The following RTN4IP1 variants were observed in gnomAD, a reference collection of about 807,000 sequenced individuals.
RTN4IP1 encodes the protein NAD(P)H oxidoreductase RTN4IP1, mitochondrial.
In RTN4IP1, 32 loss-of-function variants were observed where a neutral mutation model predicts 46.6. That is an observed-to-expected ratio of 0.69 (90% CI 0.52 to 0.92). The LOEUF is 0.92. RTN4IP1 is among the 40% of genes least tolerant of loss of function. The pLI is 0.00. For synonymous variants in RTN4IP1, 167 were observed against 161.8 expected (o/e 1.03, Z -0.24); for missense variants, 424 against 485.8 (o/e 0.87, Z 1.20).
rs1775521900 is a variant in RTN4IP1 at position 106,587,753 on chromosome 6, G to A, written c.916C>T (p.Leu306=). 1 of 1,613,832 alleles carries A rather than the reference G, an allele frequency of 6.2e-7. No homozygotes were observed. The highest frequency in any genetic ancestry group is 1.7e-5 in the Admixed American group (1 of 60,004). Residue 306 remains leucine, a synonymous_variant, in exon 7 of 9, where the codon CTG becomes TTG. Transcript: ENST00000369063. ...TYVTLVTPFL[L]NMDRLGIADG... ...GCTATGCCCAATCGGTCCATGTTCAGGAGGAAAGGAGTCACCAAAGTCACA... is the reference window on the plus strand; with the variant it reads ...GCTATGCCCAATCGGTCCATGTTCAAGAGGAAAGGAGTCACCAAAGTCACA...
intron 4 of RTN4IP1, among the ~76,000 whole-genome samples, chr6:106,613,409 C>G (rs1337949591): frequency 6.6e-6 from 1 of 152,104 alleles, no homozygotes; most frequent in African/African-American, 2.4e-5. Flanking sequence ...GAAAGTTAAA[C>G]AAGGTTTGAA....
At position 106,623,051 on chromosome 6, in the gene RTN4IP1, A is replaced by G. The variant is rs12524955; in HGVS notation, c.275-82T>C. ...CTACTACAGGGTTATAGTCCAGTAC[A>G]ATTTTAGGTCTTCAAGATGTAGATT... On this transcript the variant is annotated intron_variant, in intron 1 of 8. Transcript: ENST00000369063. The G allele has an allele frequency of 0.026, 34,499 of 1,338,224 alleles. 1,615 individuals are homozygous for G. The highest frequency in any genetic ancestry group is 0.18 in the East Asian group (7,802 of 43,306). 82.9% of individuals were successfully genotyped at this position (1,338,224 alleles called of 1,614,324 possible). A position where few individuals can be genotyped will look rare whatever the true frequency, so the allele number is the denominator to read the frequency against.
chr6:106,594,627 C>T (rs1403618294), intron 5 of RTN4IP1, among the ~76,000 whole-genome samples: 1 of 152,152 alleles, frequency 6.6e-6, no homozygotes, highest in Non-Finnish European at 1.5e-5. Flanking sequence ...GTGCCCCAAA[C>T]CACAGAAGCC....
At chr6:106,575,134 A>AG (rs1775192413) in intron 8 of RTN4IP1, among the ~76,000 whole-genome samples, 2 of 152,184 alleles carry the variant, frequency 1.3e-5, no homozygotes, top group African/African-American at 4.8e-5. Flanking sequence ...TAAAATACAG[A>AG]GGGGGGAAAG....
At chr6:106,587,134 C>T (rs1775506830) in intron 7 of RTN4IP1, among the ~76,000 whole-genome samples, 1 of 152,210 alleles carries the variant, frequency 6.6e-6, no homozygotes, top group Non-Finnish European at 1.5e-5. Context: ...TACTCATAGA[C>T]CTCTAAATGT....
At chr6:106,580,492 G>A (rs558161904) in intron 8 of RTN4IP1, among the ~76,000 whole-genome samples, 2 of 152,172 alleles carry the variant, frequency 1.3e-5, no homozygotes, top group South Asian at 2.1e-4. Flanking sequence ...GCCAAGGCAG[G>A]TGGATCATCT....
chr6:106,630,183 AC>A (rs1776790488), upstream of RTN4IP1, among the ~76,000 whole-genome samples: 1 of 152,134 alleles, frequency 6.6e-6, no homozygotes, highest in Non-Finnish European at 1.5e-5. Context: ...TGATTTCCTA[AC>A]CCGTGTCTCC....
intron 4 of RTN4IP1, among the ~76,000 whole-genome samples, chr6:106,611,995 G>C (rs1335980845): frequency 6.6e-6 from 1 of 152,118 alleles, no homozygotes; most frequent in African/African-American, 2.4e-5. Context: ...TTTCAACCAG[G>C]GGTACTGGGA....
intron 6 of RTN4IP1, among the ~76,000 whole-genome samples, chr6:106,590,724 A>AAC (rs1202071553): frequency 4.6e-5 from 7 of 151,208 alleles, no homozygotes; most frequent in African/African-American, 1.7e-4. Flanking sequence ...CAAAAAAAAA[A>AAC]AAAAAAAAAA....
chr6:106,580,775 C>A (rs1014105531), intron 8 of RTN4IP1, among the ~76,000 whole-genome samples: 17 of 150,452 alleles, frequency 1.1e-4, no homozygotes, highest in African/African-American at 4.2e-4. Context: ...TTTGACTCAG[C>A]AATTCCATTT....
In RTN4IP1 at chr6:106,595,787, C is replaced by T. The variant is rs1260502869; in HGVS notation, c.670-3487G>A. On this transcript the variant is annotated intron_variant, in intron 5 of 8. Transcript: ENST00000369063. ...TGCTGAGATTACAGGCATGAGCCAA[C>T]GCGTCCAGCCTGAATACTTTCACAA... Among the ~76,000 whole-genome samples, 3 of 152,156 alleles carry T rather than the reference C, an allele frequency of 2.0e-5. No homozygotes were observed. The East Asian group carries it at 5.8e-4, about 29-fold the overall frequency.
At chr6:106,610,827 T>A (rs1275659157) in intron 4 of RTN4IP1, among the ~76,000 whole-genome samples, 1 of 152,196 alleles carries the variant, frequency 6.6e-6, no homozygotes, top group Non-Finnish European at 1.5e-5. Context: ...AGTATTACAT[T>A]ACTTAGGCAT....
intron 6 of RTN4IP1, among the ~76,000 whole-genome samples, chr6:106,590,583 C>T (rs976361317): frequency 7.3e-5 from 11 of 151,438 alleles, no homozygotes; most frequent in African/African-American, 9.7e-5. Flanking sequence ...GGCGTGGTGG[C>T]GCACACCTGT....
At chr6:106,594,231 G>C (rs960264228) in intron 5 of RTN4IP1, among the ~76,000 whole-genome samples, 6 of 152,130 alleles carry the variant, frequency 3.9e-5, no homozygotes, top group African/African-American at 1.4e-4. Flanking sequence ...CTATAGACGG[G>C]GTGTGGTGGC....
chr6:106,589,155 AAGGAGGAGGAGGCGGTG>A (rs1775559249), intron 6 of RTN4IP1, among the ~76,000 whole-genome samples: 1 of 76,662 alleles, frequency 1.3e-5, no homozygotes, highest in Non-Finnish European at 2.7e-5. Flanking sequence ...GAGGAAGAGG[AAGGAGGAGGAGGCGGTG>A]GAGGAGGAGG....
chr6:106,592,143 G>C lies in RTN4IP1; in HGVS notation c.806+21C>G. 4 of 1,609,932 alleles carry C rather than the reference G, an allele frequency of 2.5e-6. No homozygotes were observed. The South Asian group carries it at 4.4e-5, about 18-fold the overall frequency. On this transcript the variant is annotated intron_variant, in intron 6 of 8. Coordinates refer to ENST00000369063, the MANE Select transcript of RTN4IP1 (RefSeq NM_032730.5). ...CTGTCCTTGTTCCCACTCCCAGTGT[G>C]AACATTGTTCTAATACATACGGTTT... is the stretch of plus-strand genomic sequence containing the variant.
At chr6:106,572,127 G>T in intron 8 of RTN4IP1, 24 bp from the exon 9 acceptor site, 1 of 1,561,540 alleles carries the variant, frequency 6.4e-7, no homozygotes, top group Non-Finnish European at 8.8e-7. Flanking sequence ...GAGGTTGACC[G>T]GTGGATAAAA....
chr6:106,606,374 C>T (rs955791714), intron 4 of RTN4IP1, among the ~76,000 whole-genome samples: 2 of 152,086 alleles, frequency 1.3e-5, no homozygotes, highest in African/African-American at 2.4e-5. Context: ...GAGCTAAGAT[C>T]GTGCCACTGC....
chr6:106,583,960 T>C (rs937175542), intron 7 of RTN4IP1, among the ~76,000 whole-genome samples: 2 of 152,192 alleles, frequency 1.3e-5, no homozygotes, highest in African/African-American at 2.4e-5. Context: ...AAGTTCCTTA[T>C]ACATCACGGC....
Sources: gnomAD v4.1 joint callset for allele counts (sites outside exome capture counted in the v4.1 genomes callset) on GRCh38, gnomAD v4.1.1 for gene constraint, MANE v1.5 for transcripts, NCBI Gene and HGNC (gene_info 2026-07-23, HGNC 2026-07-21) for gene names.